SMG6: variants seen among roughly 807,000 people sequenced by gnomAD.
SMG6 encodes telomerase-binding protein EST1A.
A neutral mutation model predicts 142.2 loss-of-function variants in SMG6; 66 were observed. That is an observed-to-expected ratio of 0.46 (90% CI 0.38 to 0.57). The LOEUF is 0.57. Among genes scored for constraint, SMG6 ranks in the 20% least tolerant of loss-of-function variants. The pLI is 0.00. For synonymous variants in SMG6, 779 were observed against 702.4 expected, an observed-to-expected ratio of 1.11 and a Z score of -1.72; for missense variants, 1,793 against 1,832.0, an observed-to-expected ratio of 0.98 and a Z score of 0.39.
intron 15 of SMG6, among the ~76,000 whole-genome samples, chr17:2,070,985 T>G (rs2068084190): frequency 6.6e-6 from 1 of 152,236 alleles, no homozygotes. Flanking sequence ...TCCTCATTTC[T>G]CAGGCCATGC....
At chr17:2,277,318 C>T (rs1443661232) in intron 8 of SMG6, among the ~76,000 whole-genome samples, 1 of 151,914 alleles carries the variant, frequency 6.6e-6, no homozygotes, top group Non-Finnish European at 1.5e-5. Context: ...AGGTGCCTGC[C>T]ACCATGCCCG....
At chr17:2,132,994 CAGCA>C (rs2070173431) in intron 13 of SMG6, among the ~76,000 whole-genome samples, 1 of 152,114 alleles carries the variant, frequency 6.6e-6, no homozygotes, top group Non-Finnish European at 1.5e-5. Context: ...GTTGTAATCC[CAGCA>C]CTTTGGGAGG....
intron 8 of SMG6, among the ~76,000 whole-genome samples, chr17:2,263,512 G>A (rs2074360299): frequency 6.6e-6 from 1 of 152,164 alleles, no homozygotes; most frequent in South Asian, 2.1e-4. Flanking sequence ...TTTTGGATCA[G>A]AAGATGGAAG....
chr17:2,172,563 A>G, intron 13 of SMG6, 95 bp downstream of exon 13: 10 of 1,299,236 alleles, frequency 7.7e-6, no homozygotes, highest in Non-Finnish European at 1.1e-5. Context: ...TGACTTAATC[A>G]TGTTCCATTT....
At chr17:2,067,039 G>A (rs1356519427) in intron 16 of SMG6, among the ~76,000 whole-genome samples, 2 of 152,124 alleles carry the variant, frequency 1.3e-5, no homozygotes, top group South Asian at 2.1e-4. Context: ...CAGTAAACAG[G>A]AGCCCTCCTC....
At chr17:2,132,926 C>A (rs2151551409) in intron 13 of SMG6, among the ~76,000 whole-genome samples, 2 of 152,290 alleles carry the variant, frequency 1.3e-5, no homozygotes, top group Middle Eastern at 6.8e-3. Flanking sequence ...GGACTACAGG[C>A]ACGTGCTACC....
At chr17:2,162,884 T>A (rs1238522248) in intron 13 of SMG6, among the ~76,000 whole-genome samples, 1 of 152,118 alleles carries the variant, frequency 6.6e-6, no homozygotes, top group Non-Finnish European at 1.5e-5. Flanking sequence ...CAGGCTGGAG[T>A]GCAGTGGTGC....
At chr17:2,253,380 T>C (rs2074092908) in intron 8 of SMG6, among the ~76,000 whole-genome samples, 2 of 152,112 alleles carry the variant, frequency 1.3e-5, no homozygotes, top group Non-Finnish European at 2.9e-5. Context: ...CCTGACCTCC[T>C]GATCCGCCCG....
At chr17:2,157,377 C>T (rs555309833) in intron 13 of SMG6, among the ~76,000 whole-genome samples, 1 of 152,344 alleles carries the variant, frequency 6.6e-6, no homozygotes, top group African/African-American at 2.4e-5. Flanking sequence ...CCCACAAACA[C>T]TCATACATGC....
intron 12 of SMG6, 35 bp downstream of exon 12, chr17:2,186,628 C>A: frequency 6.2e-7 from 1 of 1,611,356 alleles, no homozygotes. Context: ...CAGGCCCAAG[C>A]CAGTGGTGCT....
intron 13 of SMG6, chr17:2,087,091 A>G: frequency 7.7e-7 from 1 of 1,290,526 alleles, no homozygotes; most frequent in Non-Finnish European, 1.0e-6. Context: ...ACTACTGATG[A>G]TCATTTTACA....
At chr17:2,079,611 CAAA>C (rs1212132989) in intron 15 of SMG6, among the ~76,000 whole-genome samples, 1 of 132,034 alleles carries the variant, frequency 7.6e-6, no homozygotes, top group Admixed American at 7.7e-5. Flanking sequence ...GACTCCATCT[CAAA>C]AAAAAAAAAG....
chr17:2,253,677 A>C (rs1241535311), intron 8 of SMG6, among the ~76,000 whole-genome samples: 3 of 152,184 alleles, frequency 2.0e-5, no homozygotes, highest in Non-Finnish European at 4.4e-5. Context: ...GAGAAGCACC[A>C]ATTTTCAGTA....
At chr17:2,097,069 C>T (rs756252932) in intron 13 of SMG6, among the ~76,000 whole-genome samples, 7 of 152,192 alleles carry the variant, frequency 4.6e-5, no homozygotes, top group Admixed American at 3.3e-4. Context: ...TTCTTGACTA[C>T]TTCTGGTGGA....
intron 10 of SMG6, among the ~76,000 whole-genome samples, chr17:2,193,960 A>G (rs980859685): frequency 1.9e-4 from 29 of 152,134 alleles, no homozygotes; most frequent in African/African-American, 6.5e-4. Context: ...CCTCCCAAGT[A>G]GCTGGGATTA....
Position 2,303,784 on chromosome 17 carries a change from A to T in SMG6, c.-64T>A. 2 of 1,307,274 alleles carry T rather than the reference A, an allele frequency of 1.5e-6. No homozygotes were observed. The highest frequency in any genetic ancestry group is 3.1e-5 in the African/African-American group (2 of 64,220). The allele number at this position is 1,307,274 out of a possible 1,614,324, so 81.0% of individuals were successfully genotyped here. A position where few individuals can be genotyped will look rare whatever the true frequency, so the allele number is the denominator to read the frequency against. On this transcript the variant is annotated 5_prime_UTR_variant, in exon 1 of 19. Coordinates refer to ENST00000263073, the MANE Select transcript of SMG6 (RefSeq NM_017575.5). ...CGCCGCGCGCAGCCAGGAAACCACC[A>T]CAGACGGGCGGCGCGCGCGCTCGCC...
intron 13 of SMG6, among the ~76,000 whole-genome samples, chr17:2,091,733 C>T (rs558525494): frequency 7.0e-4 from 105 of 149,844 alleles, no homozygotes; most frequent in African/African-American, 9.4e-4. Flanking sequence ...TGCAGTGGTG[C>T]GATCTCGGCT....
At chr17:2,132,389 T>C (rs955426151) in intron 13 of SMG6, among the ~76,000 whole-genome samples, 2 of 152,184 alleles carry the variant, frequency 1.3e-5, no homozygotes. Flanking sequence ...TGCGTCACCC[T>C]GGCAGAGAAG....
chr17:2,163,525 A>G (rs1382125669), intron 13 of SMG6, among the ~76,000 whole-genome samples: 1 of 152,250 alleles, frequency 6.6e-6, no homozygotes. Flanking sequence ...TATGGGATTG[A>G]TTTTTGTACA....
Sources: allele counts gnomAD v4.1 joint callset (sites outside exome capture counted in the v4.1 genomes callset), GRCh38; gene constraint gnomAD v4.1.1; transcripts MANE v1.5; gene names NCBI Gene and HGNC (gene_info 2026-07-23, HGNC 2026-07-21).